Variants in ABCA13 observed in about 807,000 individuals in gnomAD.
ABCA13 encodes the protein ATP-binding cassette sub-family A member 13.
Under a neutral mutation model 478.7 loss-of-function variants are expected in ABCA13, and 476 were observed. That is an observed-to-expected ratio of 0.99 (90% CI 0.92 to 1.07). The LOEUF is 1.07. ABCA13 is among the 50% of genes least tolerant of loss of function. The pLI is 0.00. For missense variants in ABCA13, 6,060 were observed against 5,910.6 expected (o/e 1.03, Z -0.83); for synonymous variants, 2,252 against 2,158.9 (o/e 1.04, Z -1.20).
rs1029800072 is a variant in ABCA13, at chr7:48,371,603, G to A, written c.10804-565G>A. Among the ~76,000 whole-genome samples the A allele has an allele frequency of 7.2e-5, 11 of 152,148 alleles. No individual in the cohort carries two copies. In the East Asian group the frequency reaches 2.1e-3, roughly 29 times the overall value. Reference sequence around the variant, plus strand: ...GGCTCTCTGCTTGTTTCCTGTTGGTGTATAGGAATGCTTGTGATTTTTGCA... The same window carrying A: ...GGCTCTCTGCTTGTTTCCTGTTGGTATATAGGAATGCTTGTGATTTTTGCA... On this transcript the variant is annotated intron_variant, in intron 32 of 61. Coordinates refer to ENST00000435803, the MANE Select transcript of ABCA13 (RefSeq NM_152701.5).
chr7:48,531,362 A>G lies in ABCA13; in HGVS notation c.14354+3017A>G, dbSNP rs551527836. Among the ~76,000 whole-genome samples, 6 of 152,152 alleles carry G rather than the reference A, an allele frequency of 3.9e-5. No individual in the cohort carries two copies. The South Asian group carries it at 1.0e-3, about 26-fold the overall frequency. ...TCCATTCGTCTATGTGCCTATTTTT[A>G]TACAAGTACCATTCTGTTTTGGTGA... is the stretch of plus-strand genomic sequence containing the variant. On this transcript the variant is annotated intron_variant, in intron 55 of 61. Coordinates refer to ENST00000435803, the MANE Select transcript of ABCA13 (RefSeq NM_152701.5).
intron 58 of ABCA13, among the ~76,000 whole-genome samples, chr7:48,609,550 A>T (rs1296708279): frequency 1.3e-5 from 2 of 152,218 alleles, no homozygotes; most frequent in African/African-American, 4.8e-5. Context: ...GAAACTGAGG[A>T]TAAGAACCTT....
At chr7:48,248,148 T>C in intron 13 of ABCA13, 91 bp from the exon 14 acceptor site, 1 of 1,057,352 alleles carries the variant, frequency 9.5e-7, no homozygotes. Context: ...GTGGACCCCT[T>C]GTTTAGTGAT....
At chr7:48,577,882 A>G (rs1244888766) in intron 55 of ABCA13, among the ~76,000 whole-genome samples, 8 of 152,128 alleles carry the variant, frequency 5.3e-5, no homozygotes, top group Non-Finnish European at 1.2e-4. Context: ...TACTATGACA[A>G]AGAAGGACTT....
intron 47 of ABCA13, among the ~76,000 whole-genome samples, chr7:48,484,548 G>A (rs886950456): frequency 7.9e-5 from 12 of 152,060 alleles, no homozygotes; most frequent in Admixed American, 2.0e-4. Flanking sequence ...CCCTTCTTAC[G>A]TATTCATAGG....
chr7:48,377,481 G>A (rs1813684831), intron 35 of ABCA13, among the ~76,000 whole-genome samples: 1 of 151,938 alleles, frequency 6.6e-6, no homozygotes, highest in African/African-American at 2.4e-5. Context: ...GAAAATGGAG[G>A]GATAGAAAGA....
rs367684378 is a variant in ABCA13 at position 48,467,014 on chromosome 7, G to T, written c.12874G>T (p.Asp4292Tyr). 74 of 1,613,870 alleles carry T rather than the reference G, an allele frequency of 4.6e-5. No homozygotes were observed. The highest frequency in any genetic ancestry group is 5.7e-5 in the Non-Finnish European group (67 of 1,179,890). The change falls in exon 44 of 62, where the codon GAT (aspartate) becomes TAT (tyrosine). Residue 4292 changes from aspartate (D) to tyrosine (Y), a missense_variant. Physicochemically the swap from Asp to Tyr is radical, Grantham distance 160. Coordinates refer to ENST00000435803, the MANE Select transcript of ABCA13 (RefSeq NM_152701.5). The stretch of plus-strand genomic sequence containing the variant: ...GCTTCTGCGGAAGTTTAGAGATCAA[G>T]ATTTGCCCTGTGCAGATTTAAACCC... ...RVLLRKFRDQ[D>Y]LPCADLNPRQ...
chr7:48,403,937 C>T, intron 39 of ABCA13, 58 bp downstream of exon 39: 1 of 1,540,286 alleles, frequency 6.5e-7, no homozygotes, highest in Non-Finnish European at 8.8e-7. Flanking sequence ...GCAGGAAATG[C>T]ATTGCTACTG....
chr7:48,370,305 G>A (rs149708440), intron 32 of ABCA13, among the ~76,000 whole-genome samples: 2 of 151,804 alleles, frequency 1.3e-5, no homozygotes, highest in Non-Finnish European at 2.9e-5. Context: ...GAGTCTTTAG[G>A]GTTTTCTAGG....
intron 41 of ABCA13, among the ~76,000 whole-genome samples, chr7:48,413,036 C>T (rs2129099383): frequency 6.6e-6 from 1 of 152,002 alleles, no homozygotes; most frequent in East Asian, 2.0e-4. Context: ...TGGTCTCGAT[C>T]CCCTGACCTC....
rs2130904053 is a variant in ABCA13, at chr7:48,511,140, AACAGCTTT to A, written c.13582_13589del (p.Thr4528TyrfsTer69). 1.2e-6 allele frequency: 2 copies of A among 1,613,624 alleles called. No individual in the cohort carries two copies. The highest frequency in any genetic ancestry group is 2.2e-5 in the South Asian group (2 of 91,066). On this transcript the variant is annotated frameshift_variant, in exon 51 of 62. Coordinates refer to ENST00000435803, the MANE Select transcript of ABCA13 (RefSeq NM_152701.5). LOFTEE classifies it high-confidence loss of function. ...TTGCCGTTATTGTCGCCTTCCAGTTAACAGCTTTTACTTTCCGCAAGAACTTGGCAGCC... is the reference window on the plus strand; with the variant it reads ...TTGCCGTTATTGTCGCCTTCCAGTTATACTTTCCGCAAGAACTTGGCAGCC...
At chr7:48,246,360 A>T (rs1390099418) in intron 13 of ABCA13, among the ~76,000 whole-genome samples, 2 of 151,812 alleles carry the variant, frequency 1.3e-5, no homozygotes, top group Non-Finnish European at 2.9e-5. Context: ...GTCTCTGGTG[A>T]TTAGTCAATC....
chr7:48,356,110 C>G lies in ABCA13; in HGVS notation c.10688+3623C>G, dbSNP rs992724788. 2.0e-5 allele frequency among the ~76,000 whole-genome samples: 3 copies of G among 151,866 alleles called. 1 individual carries two copies. Among genetic ancestry groups the G allele is most frequent in the South Asian group, 4.1e-4 (2 of 4,826 alleles). ...GAGGAAAACCTACAGAGTGTGGAAT[C>G]CTGGAGGTCAAGCTGAGCAAAAGAC... On this transcript the variant is annotated intron_variant, in intron 31 of 61. Coordinates refer to ENST00000435803, the MANE Select transcript of ABCA13 (RefSeq NM_152701.5).
chr7:48,611,976 T>A (rs566697568), intron 58 of ABCA13: 1 of 152,324 alleles, frequency 6.6e-6, no homozygotes, highest in South Asian at 2.1e-4. Context: ...TCTCTTGGAC[T>A]TCATGCTAAG....
chr7:48,248,211 A>G (rs1424497131), intron 13 of ABCA13, 28 bp from the exon 14 acceptor site: 10 of 1,575,262 alleles, frequency 6.3e-6, no homozygotes, highest in Admixed American at 1.7e-5. Context: ...TTTATTTATT[A>G]TAAGCAATAT....
At chr7:48,525,794 T>C (rs1345380517) in intron 54 of ABCA13, among the ~76,000 whole-genome samples, 1 of 151,554 alleles carries the variant, frequency 6.6e-6, no homozygotes, top group Non-Finnish European at 1.5e-5. Context: ...TGTTACATAG[T>C]TGTAAATGTG....
chr7:48,188,018 T>C (rs1394175762), intron 1 of ABCA13, among the ~76,000 whole-genome samples: 1 of 152,220 alleles, frequency 6.6e-6, no homozygotes, highest in East Asian at 1.9e-4. Flanking sequence ...TTCTTGACTC[T>C]CTTTTCAATA....
intron 3 of ABCA13, among the ~76,000 whole-genome samples, chr7:48,204,296 G>C (rs1020687022): frequency 1.3e-5 from 2 of 151,118 alleles, no homozygotes; most frequent in Non-Finnish European, 2.9e-5. Flanking sequence ...TGCAACCTCC[G>C]CCTCCCGGGT....
intron 55 of ABCA13, among the ~76,000 whole-genome samples, chr7:48,547,176 A>G (rs1784895279): frequency 6.6e-6 from 1 of 151,530 alleles, no homozygotes. Context: ...TATTTTTTTC[A>G]TTCATTTCAT....
Sources: allele counts gnomAD v4.1 joint callset (sites outside exome capture counted in the v4.1 genomes callset), GRCh38; gene constraint gnomAD v4.1.1; transcripts MANE v1.5; gene names NCBI Gene and HGNC (gene_info 2026-07-23, HGNC 2026-07-21).